Variants in DYNC1I1 observed in about 807,000 individuals in gnomAD.
The protein encoded by DYNC1I1 is dynein cytoplasmic 1 intermediate chain 1, also known as cytoplasmic dynein 1 intermediate chain 1.
DYNC1I1 carries 43 observed loss-of-function variants against 86.6 expected under a neutral mutation model. The observed-to-expected ratio is 0.50, with a 90% CI of 0.39 to 0.64. DYNC1I1 has a LOEUF of 0.64. DYNC1I1 is among the 30% of genes least tolerant of loss of function. The pLI is 0.00. For missense variants in DYNC1I1, 604 were observed against 788.8 expected (o/e 0.77, Z 2.81); for synonymous variants, 262 against 283.7 (o/e 0.92, Z 0.77).
In DYNC1I1 at chr7:95,895,216, C is replaced by T. The variant is rs141043789; in HGVS notation, c.490+25218C>T. On this transcript the variant is annotated intron_variant, in intron 6 of 16. Coordinates refer to ENST00000447467, the MANE Select transcript of DYNC1I1 (RefSeq NM_001135556.2). ...TGGTTGTTGTATAAAATTCACTTTT[C>T]GTCACATGTCACAATCCGATGGAGT... Among the ~76,000 whole-genome samples the T allele has an allele frequency of 5.6e-3, 847 of 152,204 alleles. 6 individuals are homozygous for T. The highest frequency in any genetic ancestry group is 0.019 in the African/African-American group (808 of 41,524).
rs3779483 is a variant in DYNC1I1 at position 95,826,533 on chromosome 7, C to T, written c.315-1524C>T. Among the ~76,000 whole-genome samples, 976 of 152,226 alleles carry T rather than the reference C, an allele frequency of 6.4e-3. 21 individuals carry two copies. The highest frequency in any genetic ancestry group is 0.03 in the East Asian group (155 of 5,176). ...ATATCGTATTATATAAGCACATATG[C>T]GCGATACAGTTCTAGGCATATCCCT... On this transcript the variant is annotated intron_variant, in intron 4 of 16. Transcript: ENST00000447467.
At chr7:95,879,648 C>T (rs1790401040) in intron 6 of DYNC1I1, among the ~76,000 whole-genome samples, 1 of 152,200 alleles carries the variant, frequency 6.6e-6, no homozygotes, top group Admixed American at 6.5e-5. Context: ...GGCCTCCATA[C>T]ATTTTAGACA....
chr7:95,859,848 T>G (rs553810586), intron 5 of DYNC1I1, among the ~76,000 whole-genome samples: 22 of 152,288 alleles, frequency 1.4e-4, no homozygotes, highest in African/African-American at 5.3e-4. Flanking sequence ...GTGCTGGATT[T>G]TACTTTAATG....
intron 6 of DYNC1I1, among the ~76,000 whole-genome samples, chr7:95,894,485 A>G (rs1482867821): frequency 6.6e-6 from 1 of 151,914 alleles, no homozygotes; most frequent in Non-Finnish European, 1.5e-5. Flanking sequence ...CATTTAGTCT[A>G]TTGTATTAGC....
At chr7:96,049,891 C>T (rs561180875) in intron 14 of DYNC1I1, among the ~76,000 whole-genome samples, 9 of 151,694 alleles carry the variant, frequency 5.9e-5, no homozygotes, top group East Asian at 1.9e-4. Flanking sequence ...AAATTAGCCA[C>T]GCATGATGGC....
intron 10 of DYNC1I1, among the ~76,000 whole-genome samples, chr7:96,010,747 T>C (rs572485748): frequency 2.8e-4 from 43 of 152,190 alleles, no homozygotes; most frequent in Non-Finnish European, 5.6e-4. Flanking sequence ...TGCATACATA[T>C]TTTTGTTGTT....
At chr7:95,988,848 G>T (rs543164415) in intron 9 of DYNC1I1, among the ~76,000 whole-genome samples, 1 of 152,140 alleles carries the variant, frequency 6.6e-6, no homozygotes, top group Admixed American at 6.5e-5. Flanking sequence ...ACAATCATAT[G>T]AGGCAGCCAC....
chr7:95,880,062 G>C (rs1790412449), intron 6 of DYNC1I1, among the ~76,000 whole-genome samples: 2 of 152,142 alleles, frequency 1.3e-5, no homozygotes, highest in South Asian at 4.1e-4. Context: ...ATAATTGTCA[G>C]CCTATTCCTT....
chr7:95,825,671 AGATGCCTG>A (rs1795188963), intron 4 of DYNC1I1, among the ~76,000 whole-genome samples: 1 of 152,172 alleles, frequency 6.6e-6, no homozygotes, highest in African/African-American at 2.4e-5. Context: ...AAAAAACTAC[AGATGCCTG>A]GGTCCCACCC....
intron 5 of DYNC1I1, among the ~76,000 whole-genome samples, chr7:95,839,235 T>A (rs1434771668): frequency 6.6e-6 from 1 of 152,170 alleles, no homozygotes; most frequent in Non-Finnish European, 1.5e-5. Flanking sequence ...TTCACCATGT[T>A]GGCCGGGCTA....
intron 8 of DYNC1I1, among the ~76,000 whole-genome samples, chr7:95,986,625 T>A (rs116375785): frequency 3.9e-4 from 60 of 152,206 alleles, no homozygotes; most frequent in African/African-American, 1.2e-3. Context: ...AATAAAAACA[T>A]GCATATCATT....
chr7:96,076,541 G>A (rs1464318588), intron 15 of DYNC1I1, among the ~76,000 whole-genome samples: 1 of 152,068 alleles, frequency 6.6e-6, no homozygotes, highest in African/African-American at 2.4e-5. Context: ...CAAATACTTG[G>A]AAAAGAAAGC....
intron 16 of DYNC1I1, among the ~76,000 whole-genome samples, chr7:96,088,097 T>C (rs1790736469): frequency 6.6e-6 from 1 of 152,152 alleles, no homozygotes. Context: ...TAATTATATA[T>C]GTAAAAGACC....
At chr7:95,880,089 A>G (rs1441846638) in intron 6 of DYNC1I1, among the ~76,000 whole-genome samples, 1 of 152,128 alleles carries the variant, frequency 6.6e-6, no homozygotes, top group African/African-American at 2.4e-5. Context: ...AGTAATGATG[A>G]TAGTTTGGCC....
At chr7:96,090,941 G>A (rs575443432) in intron 16 of DYNC1I1, among the ~76,000 whole-genome samples, 29 of 152,182 alleles carry the variant, frequency 1.9e-4, no homozygotes, top group African/African-American at 6.7e-4. Flanking sequence ...AGACTCTCCC[G>A]GGAGTTAAAT....
At chr7:95,809,664 G>C (rs1378850105) in intron 2 of DYNC1I1, among the ~76,000 whole-genome samples, 1 of 152,150 alleles carries the variant, frequency 6.6e-6, no homozygotes, top group African/African-American at 2.4e-5. Context: ...CATAGGATCT[G>C]ACATTAAGAG....
At chr7:96,005,597 C>G (rs1794121966) in intron 10 of DYNC1I1, among the ~76,000 whole-genome samples, 1 of 152,176 alleles carries the variant, frequency 6.6e-6, no homozygotes, top group South Asian at 2.1e-4. Context: ...TCTGATCCCA[C>G]AGCTGGACAG....
At chr7:95,928,784 A>C (rs965156953) in intron 6 of DYNC1I1, among the ~76,000 whole-genome samples, 1 of 152,178 alleles carries the variant, frequency 6.6e-6, no homozygotes, top group Non-Finnish European at 1.5e-5. Flanking sequence ...CAGTTTTGGC[A>C]TCCACCAAAT....
chr7:95,821,182 T>C (rs1053897205), intron 4 of DYNC1I1, among the ~76,000 whole-genome samples: 1 of 152,218 alleles, frequency 6.6e-6, no homozygotes, highest in Non-Finnish European at 1.5e-5. Flanking sequence ...CAGTAAACAA[T>C]TGAGAATTTA....
Sources: gnomAD v4.1 joint callset for allele counts (sites outside exome capture counted in the v4.1 genomes callset) on GRCh38, gnomAD v4.1.1 for gene constraint, MANE v1.5 for transcripts, NCBI Gene and HGNC (gene_info 2026-07-23, HGNC 2026-07-21) for gene names.